The following FECH variants were observed in gnomAD, a reference collection of about 807,000 sequenced individuals.
The protein encoded by FECH is ferrochelatase.
A neutral mutation model predicts 56.9 loss-of-function variants in FECH; 40 were observed. That is an observed-to-expected ratio of 0.70 (90% CI 0.55 to 0.92). The LOEUF (loss-of-function observed/expected upper bound fraction) is 0.92, where lower values mean the gene tolerates loss of function less well. Among genes scored for constraint, FECH ranks in the 40% least tolerant of loss-of-function variants. FECH has a pLI of 0.00. For synonymous variants in FECH, 175 were observed against 198.6 expected (o/e 0.88, Z 1.00); for missense variants, 431 against 529.1 (o/e 0.81, Z 1.82).
intron 7 of FECH, among the ~76,000 whole-genome samples, chr18:57,555,490 C>T (rs950949308): frequency 1.3e-5 from 2 of 152,214 alleles, no homozygotes; most frequent in African/African-American, 2.4e-5. Context: ...CCTCTCTCCC[C>T]ACTCTTCCTG....
intron 4 of FECH, among the ~76,000 whole-genome samples, chr18:57,569,848 T>C (rs911586414): frequency 6.6e-6 from 1 of 152,104 alleles, no homozygotes; most frequent in African/African-American, 2.4e-5. Flanking sequence ...TTTTTTTTTT[T>C]TTTGAGACAG....
chr18:57,573,080 A>C, intron 3 of FECH, 166 bp downstream of exon 3: 2 of 737,418 alleles, frequency 2.7e-6, no homozygotes, highest in Non-Finnish European at 4.5e-6. Flanking sequence ...CTCCCCCTGC[A>C]ATTTTCTGAT....
At chr18:57,571,336 T>C in intron 4 of FECH, 56 bp downstream of exon 4, 1 of 1,581,788 alleles carries the variant, frequency 6.3e-7, no homozygotes. Context: ...CTTTTGAATT[T>C]CATAACTACT....
chr18:57,551,746 G>C (rs2050800874), intron 9 of FECH, among the ~76,000 whole-genome samples: 2 of 152,108 alleles, frequency 1.3e-5, no homozygotes, highest in Admixed American at 1.3e-4. Flanking sequence ...TTCCTAAGTA[G>C]AATGTTACTG....
intron 6 of FECH, among the ~76,000 whole-genome samples, chr18:57,559,761 A>G (rs561068367): frequency 6.6e-6 from 1 of 152,210 alleles, no homozygotes; most frequent in Non-Finnish European, 1.5e-5. Context: ...CCATCAAGTC[A>G]ATTTTTATAA....
rs1490750735 is a variant in FECH, at chr18:57,546,328, C to T, written c.*4384G>A. ...ATTCTGCCTTCCCGCTGTCGTTGGG[C>T]AAGGTGGTCCTTTGCCGCATCGACA... On this transcript the variant is annotated 3_prime_UTR_variant, in exon 11 of 11. Coordinates refer to ENST00000262093, the MANE Select transcript of FECH (RefSeq NM_000140.5). Among the ~76,000 whole-genome samples the T allele has an allele frequency of 2.6e-5, 4 of 152,164 alleles. No homozygotes were observed. The highest frequency in any genetic ancestry group is 4.4e-5 in the Non-Finnish European group (3 of 68,016).
intron 1 of FECH, among the ~76,000 whole-genome samples, chr18:57,583,161 C>T (rs1232075480): frequency 6.6e-6 from 1 of 152,168 alleles, no homozygotes; most frequent in African/African-American, 2.4e-5. Context: ...CAAAACACTC[C>T]TCTCCCCTAA....
chr18:57,586,061 T>C (rs1175354776), intron 1 of FECH: 1 of 156,160 alleles, frequency 6.4e-6, no homozygotes, highest in Non-Finnish European at 1.4e-5. Flanking sequence ...TAGCCCAGGC[T>C]GCCCCACGGG....
chr18:57,551,231 G>T, intron 10 of FECH, 84 bp downstream of exon 10: 2 of 1,028,382 alleles, frequency 1.9e-6, no homozygotes, highest in East Asian at 2.4e-5. Context: ...TCTAATATGT[G>T]AGAAAAACCA....
intron 10 of FECH, 151 bp downstream of exon 10, chr18:57,551,164 G>A: frequency 2.9e-6 from 2 of 687,158 alleles, no homozygotes. Context: ...AAGGAAAAAA[G>A]ACTGAGCAGA....
chr18:57,563,054 G>T, intron 5 of FECH, 74 bp from the exon 6 acceptor site: 5 of 1,187,364 alleles, frequency 4.2e-6, no homozygotes, highest in Non-Finnish European at 6.1e-6. Flanking sequence ...CGTAAAGGTA[G>T]TATATATAAG....
chr18:57,544,943 C>T lies in FECH; in HGVS notation c.*5769G>A, dbSNP rs1013728020. Among the ~76,000 whole-genome samples the T allele has an allele frequency of 1.3e-5, 2 of 152,168 alleles. No individual in the cohort carries two copies. The highest frequency in any genetic ancestry group is 2.9e-5 in the Non-Finnish European group (2 of 68,036). On this transcript the variant is annotated 3_prime_UTR_variant, in exon 11 of 11. Transcript: ENST00000262093. ...AACAATTGGTTCACAAGCCAACATG[C>T]CATGTGCCTGTGCAATCAATTCCAT...
At chr18:57,565,921 T>C (rs567044964) in intron 5 of FECH, among the ~76,000 whole-genome samples, 15 of 152,334 alleles carry the variant, frequency 9.8e-5, no homozygotes, top group African/African-American at 3.4e-4. Flanking sequence ...AGTAACATTT[T>C]CCAAAATCAA....
chr18:57,551,252 A>C, intron 10 of FECH, 63 bp downstream of exon 10: 6 of 1,204,376 alleles, frequency 5.0e-6, no homozygotes, highest in Non-Finnish European at 7.4e-6. Context: ...ATATTCTGCA[A>C]GAGTTTCTCA....
In FECH at chr18:57,571,324, C is replaced by T. The variant is rs1238074260; in HGVS notation, c.463+68G>A. On this transcript the variant is annotated intron_variant, in intron 4 of 10. Transcript: ENST00000262093. ...CATATGAAGCATTTAGCATCTACTA[C>T]TCTTTTGAATTTCATAACTACTTCG... 114 of 1,532,932 alleles carry T rather than the reference C, an allele frequency of 7.4e-5. 1 individual carries two copies. The highest frequency in any genetic ancestry group is 9.8e-5 in the Non-Finnish European group (109 of 1,109,068). 95.0% of individuals were successfully genotyped at this position (1,532,932 alleles called of 1,614,324 possible). A position where few individuals can be genotyped will look rare whatever the true frequency, so the allele number is the denominator to read the frequency against.
intron 5 of FECH, among the ~76,000 whole-genome samples, chr18:57,564,283 T>C (rs1225357783): frequency 3.3e-5 from 5 of 152,202 alleles, no homozygotes; most frequent in Non-Finnish European, 7.3e-5. Context: ...TCCTTATAAG[T>C]AATCTAATAA....
rs139460114 is a variant in FECH, at chr18:57,577,378, A to T, written c.194+2695T>A. Reference sequence around the variant, plus strand: ...AGCAGCAAAAGACAGAGTTTGGCCTACAAAGCCTGAAAAATTTACTACCTA... The same window carrying T: ...AGCAGCAAAAGACAGAGTTTGGCCTTCAAAGCCTGAAAAATTTACTACCTA... On this transcript the variant is annotated intron_variant, in intron 2 of 10. Coordinates refer to ENST00000262093, the MANE Select transcript of FECH (RefSeq NM_000140.5). 2.8e-3 allele frequency among the ~76,000 whole-genome samples: 425 copies of T among 152,344 alleles called. 4 individuals are homozygous for T. Among genetic ancestry groups the T allele is most frequent in the African/African-American group, 9.4e-3 (389 of 41,576 alleles).
Position 57,573,344 on chromosome 18 carries a change from T to C in FECH, c.216A>G (p.Leu72=). Residue 72 remains leucine (L), a synonymous_variant, in exon 3 of 11, where the codon TTA becomes TTG. Transcript: ENST00000262093. ...PQKRKPKTGI[L]MLNMGGPETL... is the part of the protein sequence containing the mutation. ...TTTCAGGGCCTCCCATGTTTAGCATTAATATTCCAGTTTTCGGCTTCCTAT... is the reference window on the plus strand; with the variant it reads ...TTTCAGGGCCTCCCATGTTTAGCATCAATATTCCAGTTTTCGGCTTCCTAT... The C allele has an allele frequency of 6.2e-7, 1 of 1,614,158 alleles. No homozygotes were observed. The highest frequency in any genetic ancestry group is 8.5e-7 in the Non-Finnish European group (1 of 1,179,990).
intron 1 of FECH, among the ~76,000 whole-genome samples, chr18:57,583,243 T>C (rs959950516): frequency 6.6e-6 from 1 of 151,536 alleles, no homozygotes; most frequent in Non-Finnish European, 1.5e-5. Context: ...GCTAAAGGAG[T>C]TTAAAGTAAA....
Sources: allele counts gnomAD v4.1 joint callset (sites outside exome capture counted in the v4.1 genomes callset), GRCh38; gene constraint gnomAD v4.1.1; transcripts MANE v1.5; gene names NCBI Gene and HGNC (gene_info 2026-07-23, HGNC 2026-07-21).